CBLL1: variants seen among roughly 807,000 people sequenced by gnomAD.
The protein encoded by CBLL1 is E3 ubiquitin-protein ligase Hakai.
Under a neutral mutation model 44.9 loss-of-function variants are expected in CBLL1, and 4 were observed. The observed-to-expected ratio is 0.09, with a 90% confidence interval of 0.04 to 0.20. The LOEUF is 0.20. CBLL1 is among the 10% of genes least tolerant of loss of function. The probability of loss-of-function intolerance (pLI) is 1.00; values close to 1 mark genes in which losing one functional copy is unlikely to be tolerated. For synonymous variants in CBLL1, 235 were observed against 202.2 expected (o/e 1.16, Z -1.38); for missense variants, 569 against 636.7 (o/e 0.89, Z 1.14).
intron 5 of CBLL1, among the ~76,000 whole-genome samples, chr7:107,757,486 A>T (rs1310294294): frequency 6.6e-6 from 1 of 152,188 alleles, no homozygotes; most frequent in Non-Finnish European, 1.5e-5. Context: ...AAAAATAGTT[A>T]TAATTTTGAC....
Position 107,758,887 on chromosome 7 carries a change from G to A in CBLL1, c.1185G>A (p.Met395Ile), listed in dbSNP as rs1290724144. 1.2e-6 allele frequency: 2 copies of A among 1,613,684 alleles called. No homozygotes were observed. The highest frequency in any genetic ancestry group is 3.3e-5 in the Admixed American group (2 of 59,962). The change falls in exon 6 of 6, where the codon ATG becomes ATA. Residue 395 changes from methionine to isoleucine, a missense_variant. Around this residue, in one of 5 missense-constraint regions of CBLL1, gnomAD observed 228 missense variants for 253.2 expected, o/e 0.90. Coordinates refer to ENST00000440859, the MANE Select transcript of CBLL1 (RefSeq NM_024814.4). This position sits in a 1 kb window ranked among gnomAD's most constrained non-coding sequence, Gnocchi z 4.2. ...TPPPGHIIAQ[M>I]PPYMNHPPPG... ...CCCCTGGACATATTATTGCCCAGATGCCACCTTATATGAATCATCCTCCTC... is the reference window on the plus strand; with the variant it reads ...CCCCTGGACATATTATTGCCCAGATACCACCTTATATGAATCATCCTCCTC...
In CBLL1 at chr7:107,760,798, A is replaced by G. The variant is rs1176277365; in HGVS notation, c.*1620A>G. 1 of 152,212 alleles carries G rather than the reference A, an allele frequency of 6.6e-6. No homozygotes were observed. The highest frequency in any genetic ancestry group is 2.4e-5 in the African/African-American group (1 of 41,448). 9.4% of individuals were successfully genotyped at this position (152,212 alleles called of 1,614,324 possible). A position where few individuals can be genotyped will look rare whatever the true frequency, so the allele number is the denominator to read the frequency against. Reference sequence around the variant, plus strand: ...TCAGGTACAGGTGAAACAAATTCTCATCTTGAATGATCAGATGCAAAATCA... The same window carrying G: ...TCAGGTACAGGTGAAACAAATTCTCGTCTTGAATGATCAGATGCAAAATCA... On this transcript the variant is annotated 3_prime_UTR_variant, in exon 6 of 6. Transcript: ENST00000440859.
intron 2 of CBLL1, 77 bp from the exon 3 acceptor site, chr7:107,753,334 A>G (rs533770672): frequency 5.8e-5 from 52 of 895,602 alleles, no homozygotes; most frequent in Non-Finnish European, 8.7e-5. Flanking sequence ...GAAAAGGTCT[A>G]TTTTGCCATG....
At position 107,758,961 on chromosome 7, in the gene CBLL1, C is replaced by T. The variant is rs764716196; in HGVS notation, c.1259C>T (p.Pro420Leu). Reference sequence around the variant, plus strand: ...GGTGGTCCACCTGTAACTGCACCCCCTCCTCACCATTATAATCCTAACTCA... The same window carrying T: ...GGTGGTCCACCTGTAACTGCACCCCTTCCTCACCATTATAATCCTAACTCA... ...QHGGPPVTAP[P>L]PHHYNPNSLP... The change falls in exon 6 of 6, where the codon CCT becomes CTT. Residue 420 changes from proline (P) to leucine (L), a missense_variant. Around this residue, in one of 5 missense-constraint regions of CBLL1, gnomAD observed 228 missense variants for 253.2 expected, o/e 0.90. Transcript: ENST00000440859. This position sits in a 1 kb window ranked among gnomAD's most constrained non-coding sequence, Gnocchi z 4.2. 2.5e-6 allele frequency: 4 copies of T among 1,613,744 alleles called. No individual in the cohort carries two copies. In the South Asian group the frequency reaches 3.3e-5, roughly 13 times the overall value.
Position 107,755,139 on chromosome 7 carries a change from G to A in CBLL1, c.367-279G>A, listed in dbSNP as rs115340575. 6.7e-3 allele frequency among the ~76,000 whole-genome samples: 1,019 copies of A among 152,086 alleles called. 16 individuals are homozygous for A. Among genetic ancestry groups the A allele is most frequent in the African/African-American group, 0.024 (982 of 41,502 alleles). ...GTTTCTTAAAAAAAAGGAAAAAAAC[G>A]TGTGGGGACCATGGGTGAAATTTAT... is the stretch of plus-strand genomic sequence containing the variant. On this transcript the variant is annotated intron_variant, in intron 4 of 5. Transcript: ENST00000440859.
chr7:107,750,280 A>C (rs1319160653), intron 2 of CBLL1, among the ~76,000 whole-genome samples: 1 of 151,374 alleles, frequency 6.6e-6, no homozygotes, highest in Non-Finnish European at 1.5e-5. Flanking sequence ...TGTCTTTTGA[A>C]TTTTGTATAC....
At chr7:107,750,554 T>A (rs907063182) in intron 2 of CBLL1, among the ~76,000 whole-genome samples, 1 of 152,182 alleles carries the variant, frequency 6.6e-6, no homozygotes, top group Non-Finnish European at 1.5e-5. Context: ...TCCGCCCGCA[T>A]CGGCCTCCCA....
rs1284567433 is a variant in CBLL1, at chr7:107,759,294, C to G, written c.*116C>G. ...CCTCTTATCGAGGTAGTATAAAACA[C>G]ATAGGGTCTTGTTTCTTAAAATGGT... On this transcript the variant is annotated 3_prime_UTR_variant, in exon 6 of 6. Coordinates refer to ENST00000440859, the MANE Select transcript of CBLL1 (RefSeq NM_024814.4). 4.7e-6 allele frequency: 4 copies of G among 858,122 alleles called. No individual in the cohort carries two copies. Among genetic ancestry groups the G allele is most frequent in the East Asian group, 5.1e-5 (2 of 39,596 alleles). 53.2% of individuals were successfully genotyped at this position (858,122 alleles called of 1,614,324 possible). A position where few individuals can be genotyped will look rare whatever the true frequency, so the allele number is the denominator to read the frequency against.
rs924056978 is a variant in CBLL1 at position 107,760,729 on chromosome 7, T to G, written c.*1551T>G. The G allele has an allele frequency of 2.0e-5, 3 of 152,222 alleles. No homozygotes were observed. Among genetic ancestry groups the G allele is most frequent in the African/African-American group, 4.8e-5 (2 of 41,452 alleles). The allele number at this position is 152,222 out of a possible 1,614,324, so 9.4% of individuals were successfully genotyped here. A position where few individuals can be genotyped will look rare whatever the true frequency, so the allele number is the denominator to read the frequency against. Reference sequence around the variant, plus strand: ...GTGTATACATTTAGAACATACTTCTTTTGACAAAGGGTGATCTGATTGCTA... The same window carrying G: ...GTGTATACATTTAGAACATACTTCTGTTGACAAAGGGTGATCTGATTGCTA... On this transcript the variant is annotated 3_prime_UTR_variant, in exon 6 of 6. Transcript: ENST00000440859.
In CBLL1 at chr7:107,753,426, A is replaced by G. The variant is rs757697015; in HGVS notation, c.197A>G (p.Asn66Ser). 8.2e-6 allele frequency: 13 copies of G among 1,575,968 alleles called. 1 individual carries two copies. Among genetic ancestry groups the G allele is most frequent in the South Asian group, 3.6e-5 (3 of 83,218 alleles). Residue 66 changes from asparagine to serine, a missense_variant, in exon 3 of 6, where the codon AAT becomes AGT. Physicochemically the swap from Asn to Ser is conservative, Grantham distance 46. This residue lies in a region of CBLL1 where 209 missense variants were observed against 202.8 expected (regional missense o/e 1.03). Transcript: ENST00000440859. ...PPGDEEGFDYNEEERYDCKGG... is the reference protein window; with the variant it reads ...PPGDEEGFDYSEEERYDCKGG... ...TTTTTCTCAGAAGGATTTGATTATA[A>G]TGAAGAAGAACGGTATGACTGTAAA...
rs1188330754 is a variant in CBLL1 at position 107,759,369 on chromosome 7, A to G, written c.*191A>G. 7.8e-6 allele frequency: 4 copies of G among 512,712 alleles called. No homozygotes were observed. The highest frequency in any genetic ancestry group is 3.6e-5 in the Admixed American group (1 of 27,572). The allele number at this position is 512,712 out of a possible 1,614,324, so 31.8% of individuals were successfully genotyped here. On this transcript the variant is annotated 3_prime_UTR_variant, in exon 6 of 6. Coordinates refer to ENST00000440859, the MANE Select transcript of CBLL1 (RefSeq NM_024814.4). ...TTTCAAGTACCATACTGTAGTACAGATAAGTGGCTCAGTTGAGCACAGCTA... is the reference window on the plus strand; with the variant it reads ...TTTCAAGTACCATACTGTAGTACAGGTAAGTGGCTCAGTTGAGCACAGCTA...
chr7:107,755,676 T>A (rs1468689938), intron 5 of CBLL1, 185 bp downstream of exon 5: 1 of 349,612 alleles, frequency 2.9e-6, no homozygotes, highest in Non-Finnish European at 5.3e-6. Context: ...AGGTAGCCAC[T>A]ATCAGTCAAC....
At position 107,755,475 on chromosome 7, in the gene CBLL1, G is replaced by T; in HGVS notation, c.424G>T (p.Asp142Tyr). 1.3e-6 allele frequency: 2 copies of T among 1,578,120 alleles called. No homozygotes were observed. The highest frequency in any genetic ancestry group is 1.7e-6 in the Non-Finnish European group (2 of 1,157,504). Residue 142 changes from aspartate to tyrosine, a missense_variant, in exon 5 of 6, where the codon GAT becomes TAT. By Grantham distance (160) the Asp-to-Tyr change is radical. This residue lies in a region of CBLL1 where 209 missense variants were observed against 202.8 expected (regional missense o/e 1.03). Coordinates refer to ENST00000440859, the MANE Select transcript of CBLL1 (RefSeq NM_024814.4). ...TGCTATTTTACATGAAAAAAAGGGA[G>T]ATAAGATGTGTCCAGGGTAAGATAA... Reference protein sequence around the residue: ...DCAILHEKKGDKMCPGCSDPV... With the variant: ...DCAILHEKKGYKMCPGCSDPV...
chr7:107,744,263 G>C (rs547129711), intron 1 of CBLL1, 87 bp downstream of exon 1: 1 of 1,424,070 alleles, frequency 7.0e-7, no homozygotes, highest in East Asian at 2.7e-5. Context: ...AAGGGATTAT[G>C]CTCGCCCCAC....
chr7:107,758,449 A>G lies in CBLL1; in HGVS notation c.747A>G (p.Pro249=), dbSNP rs367639469. ...CACCACCTCCTTTGCAACATGTGCC[A>G]CATGAGCACTATAATCAGCCACATG... The part of the protein sequence containing the change: ...MMPPPPLQHV[P]HEHYNQPHED... Residue 249 remains proline (P), a synonymous_variant, in exon 6 of 6, where the codon CCA becomes CCG. Transcript: ENST00000440859. The surrounding 1 kb of genome is among the most constrained non-coding windows in gnomAD (Gnocchi z 4.2). 18 of 1,614,038 alleles carry G rather than the reference A, an allele frequency of 1.1e-5. No individual in the cohort carries two copies. Among genetic ancestry groups the G allele is most frequent in the Non-Finnish European group, 1.5e-5 (18 of 1,180,030 alleles).
chr7:107,758,811 G>C lies in CBLL1; in HGVS notation c.1109G>C (p.Ser370Thr). ...GCAGGTACTCCTCACTTGGTATATA[G>C]CCAAGCTCCACCTCCACCAATGACC... ...QAAGTPHLVY[S>T]QAPPPPMTSA... Residue 370 changes from serine (S) to threonine (T), a missense_variant, in exon 6 of 6, where the codon AGC (serine) becomes ACC (threonine). This residue lies in a region of CBLL1 where 228 missense variants were observed against 253.2 expected (regional missense o/e 0.90). Transcript: ENST00000440859. This position sits in a 1 kb window ranked among gnomAD's most constrained non-coding sequence, Gnocchi z 4.2. 6.2e-7 allele frequency: 1 copy of C among 1,613,086 alleles called. No homozygotes were observed. The highest frequency in any genetic ancestry group is 8.5e-7 in the Non-Finnish European group (1 of 1,179,716).
chr7:107,750,331 A>T (rs1175154970), intron 2 of CBLL1, among the ~76,000 whole-genome samples: 1 of 150,878 alleles, frequency 6.6e-6, no homozygotes, highest in Non-Finnish European at 1.5e-5. Context: ...TTTGAGACAG[A>T]GTCTTGCGCT....
rs767593323 is a variant in CBLL1 at position 107,748,918 on chromosome 7, G to A, written c.52G>A (p.Gly18Ser). Residue 18 changes from glycine (G) to serine (S), a missense_variant, in exon 2 of 6, where the codon GGT (glycine) becomes AGT (serine). Gly to Ser is a moderately conservative substitution (Grantham distance 56). Coordinates refer to ENST00000440859, the MANE Select transcript of CBLL1 (RefSeq NM_024814.4). ...LQGTNSSGSL[G>S]GLDVRRRIPI... ...AGGCACTAATAGTTCTGGATCCTTG[G>A]GTGGTCTTGATGTTCGCAGACGAAT... 7 of 1,613,204 alleles carry A rather than the reference G, an allele frequency of 4.3e-6. No individual in the cohort carries two copies. Among genetic ancestry groups the A allele is most frequent in the Non-Finnish European group, 5.9e-6 (7 of 1,179,596 alleles).
chr7:107,754,020 A>G (rs374358262), intron 4 of CBLL1, 42 bp downstream of exon 4: 17 of 1,296,390 alleles, frequency 1.3e-5, no homozygotes, highest in African/African-American at 3.0e-5. Context: ...AAGCATTTGC[A>G]TAGAGGTGGG....
Sources: allele counts gnomAD v4.1 joint callset (sites outside exome capture counted in the v4.1 genomes callset), GRCh38; gene constraint gnomAD v4.1.1; regional missense constraint gnomAD v4.1.1; non-coding constraint Gnocchi (gnomAD v3.1); transcripts MANE v1.5; gene names NCBI Gene and HGNC (gene_info 2026-07-23, HGNC 2026-07-21).